CAAP1: variants seen among roughly 807,000 people sequenced by gnomAD.
CAAP1 encodes the protein caspase activity and apoptosis inhibitor 1, also known as conserved anti-apoptotic protein.
In CAAP1, 20 loss-of-function variants were observed where a neutral mutation model predicts 34.0. That is an observed-to-expected ratio of 0.59 (90% CI 0.41 to 0.86). The LOEUF is 0.86. Ranked by LOEUF, CAAP1 falls within the 40% of genes least tolerant of loss-of-function variation. The pLI is 0.00. For missense variants in CAAP1, 538 were observed against 450.5 expected (o/e 1.19, Z -1.76); for synonymous variants, 213 against 166.7 (o/e 1.28, Z -2.14).
intron 5 of CAAP1, among the ~76,000 whole-genome samples, chr9:26,855,635 C>T (rs181402974): frequency 1.7e-4 from 26 of 152,248 alleles, no homozygotes; most frequent in East Asian, 3.9e-4. Flanking sequence ...GTAAGTTCAT[C>T]GTGTATCAAC....
intron 1 of CAAP1, among the ~76,000 whole-genome samples, chr9:26,887,981 T>A (rs905841320): frequency 2.6e-5 from 4 of 152,202 alleles, no homozygotes; most frequent in African/African-American, 7.2e-5. Context: ...ATAATCATAA[T>A]CAAAGTAACC....
At chr9:26,843,570 C>CTG (rs1822528070) in intron 5 of CAAP1, among the ~76,000 whole-genome samples, 1 of 151,640 alleles carries the variant, frequency 6.6e-6, no homozygotes, top group Admixed American at 6.6e-5. Flanking sequence ...ATGTGCCATG[C>CTG]TGGTGTGCTG....
chr9:26,852,867 G>C (rs1822784923), intron 5 of CAAP1, among the ~76,000 whole-genome samples: 1 of 152,160 alleles, frequency 6.6e-6, no homozygotes, highest in Non-Finnish European at 1.5e-5. Context: ...TCTAAATGAT[G>C]CATGGAAGAC....
intron 4 of CAAP1, among the ~76,000 whole-genome samples, chr9:26,869,641 CTTA>C (rs1823225885): frequency 6.6e-6 from 1 of 152,132 alleles, no homozygotes; most frequent in Non-Finnish European, 1.5e-5. Flanking sequence ...TTAATCTTTT[CTTA>C]TTAATAGTTA....
At chr9:26,882,835 A>T (rs1259545643) in intron 4 of CAAP1, among the ~76,000 whole-genome samples, 1 of 152,204 alleles carries the variant, frequency 6.6e-6, no homozygotes, top group Non-Finnish European at 1.5e-5. Context: ...CATTTGCATC[A>T]GTGTGACCTG....
In CAAP1 at chr9:26,840,730, G is replaced by A. The variant is rs1449114270; in HGVS notation, c.*1571C>T. On this transcript the variant is annotated 3_prime_UTR_variant, in exon 6 of 6. Coordinates refer to ENST00000333916, the MANE Select transcript of CAAP1 (RefSeq NM_024828.4). ...AATCATCTACAAAGCCCTCAGACCT[G>A]TTTTACTTTATATGTTTAATCATAC... 6.6e-6 allele frequency: 1 copy of A among 152,106 alleles called. No homozygotes were observed. The highest frequency in any genetic ancestry group is 1.9e-4 in the East Asian group (1 of 5,188). The allele number at this position is 152,106 out of a possible 1,614,324, so 9.4% of individuals were successfully genotyped here. A position where few individuals can be genotyped will look rare whatever the true frequency, so the allele number is the denominator to read the frequency against.
intron 1 of CAAP1, among the ~76,000 whole-genome samples, chr9:26,889,297 A>G (rs908807369): frequency 6.6e-6 from 1 of 152,212 alleles, no homozygotes; most frequent in Admixed American, 6.5e-5. Context: ...GGGTGCCTGT[A>G]ATCCCAACTA....
chr9:26,863,772 TAAAAAAAA>T (rs57763346), intron 4 of CAAP1, among the ~76,000 whole-genome samples: 3 of 111,972 alleles, frequency 2.7e-5, no homozygotes, highest in Admixed American at 2.0e-4. Context: ...CCGTTTAAAT[TAAAAAAAA>T]AAAAAAAAAA....
Position 26,882,631 on chromosome 9 carries a change from C to T in CAAP1, c.665+2179G>A, listed in dbSNP as rs563208296. Among the ~76,000 whole-genome samples the T allele has an allele frequency of 4.6e-5, 7 of 152,262 alleles. No homozygotes were observed. The East Asian group carries it at 5.8e-4, about 13-fold the overall frequency. On this transcript the variant is annotated intron_variant, in intron 4 of 5. Transcript: ENST00000333916. Reference sequence around the variant, plus strand: ...AGCCTCCACACACAGTCTTCATTGGCGCACTGCCCTAGTGGAGCTGTGAGA... The same window carrying T: ...AGCCTCCACACACAGTCTTCATTGGTGCACTGCCCTAGTGGAGCTGTGAGA...
rs10967559 is a variant in CAAP1, at chr9:26,842,672, C to A, written c.740-25G>T. Reference sequence around the variant, plus strand: ...CCTGTAACCAAAAAAGGAGAAAGATCCATGTAACCTAAATACCATGGGTCA... The same window carrying A: ...CCTGTAACCAAAAAAGGAGAAAGATACATGTAACCTAAATACCATGGGTCA... On this transcript the variant is annotated intron_variant, in intron 5 of 5. Coordinates refer to ENST00000333916, the MANE Select transcript of CAAP1 (RefSeq NM_024828.4). The A allele has an allele frequency of 8.0e-3, 12,376 of 1,539,258 alleles. 822 individuals carry two copies. In the African/African-American group the frequency reaches 0.15, roughly 18 times the overall value.
intron 5 of CAAP1, among the ~76,000 whole-genome samples, chr9:26,859,482 T>C (rs138174779): frequency 1.1e-4 from 16 of 152,334 alleles, no homozygotes; most frequent in African/African-American, 2.9e-4. Context: ...TTATCCTTTA[T>C]AGAACATTCT....
rs756474652 is a variant in CAAP1, at chr9:26,884,903, CT to C, written c.590-19del. The C allele has an allele frequency of 6.3e-4, 962 of 1,530,486 alleles. 7 individuals carry two copies. The highest frequency in any genetic ancestry group is 1.0e-3 in the Middle Eastern group (6 of 5,916). The allele number at this position is 1,530,486 out of a possible 1,614,324, so 94.8% of individuals were successfully genotyped here. ...ATTGTCACCTTATAAATGAAAGAAACTATTGAAAGCACACTTATAAAAACAT... is the reference window on the plus strand; with the variant it reads ...ATTGTCACCTTATAAATGAAAGAAACATTGAAAGCACACTTATAAAAACAT... On this transcript the variant is annotated intron_variant, in intron 3 of 5. Coordinates refer to ENST00000333916, the MANE Select transcript of CAAP1 (RefSeq NM_024828.4).
chr9:26,883,725 A>T (rs1217559011), intron 4 of CAAP1, among the ~76,000 whole-genome samples: 2 of 152,202 alleles, frequency 1.3e-5, no homozygotes, highest in Non-Finnish European at 2.9e-5. Flanking sequence ...GGGCAAAGAA[A>T]TTTTTTAAAA....
At chr9:26,861,832 C>G (rs777285700) in intron 4 of CAAP1, among the ~76,000 whole-genome samples, 1 of 152,086 alleles carries the variant, frequency 6.6e-6, no homozygotes, top group African/African-American at 2.4e-5. Context: ...TATACATATC[C>G]TAAAGCTAAC....
chr9:26,888,805 C>G (rs1475065819), intron 1 of CAAP1, among the ~76,000 whole-genome samples: 1 of 152,186 alleles, frequency 6.6e-6, no homozygotes, highest in African/African-American at 2.4e-5. Flanking sequence ...TTGTTCTTAA[C>G]AGCATTATTC....
intron 4 of CAAP1, among the ~76,000 whole-genome samples, chr9:26,884,164 C>A (rs1823667672): frequency 6.6e-6 from 1 of 152,144 alleles, no homozygotes; most frequent in African/African-American, 2.4e-5. Flanking sequence ...TATTTGGAAA[C>A]TACCAAAATA....
intron 4 of CAAP1, among the ~76,000 whole-genome samples, chr9:26,878,927 A>C (rs1214332775): frequency 6.6e-6 from 1 of 152,228 alleles, no homozygotes; most frequent in African/African-American, 2.4e-5. Context: ...ATTCCCAAGA[A>C]GCCAAAATCT....
intron 3 of CAAP1, among the ~76,000 whole-genome samples, chr9:26,885,672 A>C (rs1055606233): frequency 6.6e-6 from 1 of 152,144 alleles, no homozygotes; most frequent in Non-Finnish European, 1.5e-5. Context: ...GCAGACAAAC[A>C]AATATTGGTA....
intron 5 of CAAP1, among the ~76,000 whole-genome samples, chr9:26,853,174 G>C (rs571411971): frequency 6.6e-6 from 1 of 152,252 alleles, no homozygotes; most frequent in East Asian, 1.9e-4. Flanking sequence ...CCGGGAGCAT[G>C]GATAGAAACA....
Sources: allele counts gnomAD v4.1 joint callset (sites outside exome capture counted in the v4.1 genomes callset), GRCh38; gene constraint gnomAD v4.1.1; transcripts MANE v1.5; gene names NCBI Gene and HGNC (gene_info 2026-07-23, HGNC 2026-07-21).